Variants in RBFOX1 observed in about 807,000 individuals in gnomAD.
RBFOX1 encodes RNA binding fox-1 homolog 1.
Under a neutral mutation model 57.7 loss-of-function variants are expected in RBFOX1, and 8 were observed. The ratio of observed to expected loss-of-function variants is 0.14; its 90% CI spans 0.08 to 0.25. The LOEUF (loss-of-function observed/expected upper bound fraction) is 0.25, where lower values mean the gene tolerates loss of function less well. Among genes scored for constraint, RBFOX1 ranks in the 10% least tolerant of loss-of-function variants. The pLI is 1.00. For missense variants in RBFOX1, 611 were observed against 548.5 expected, an observed-to-expected ratio of 1.11 and a Z score of -1.14; for synonymous variants, 326 against 222.4, an observed-to-expected ratio of 1.47 and a Z score of -4.15.
chr16:7,268,879 A>T (rs113929458), intron 4 of RBFOX1, among the ~76,000 whole-genome samples: 8,280 of 151,832 alleles, frequency 0.055, 763 homozygotes, highest in African/African-American at 0.19. Context: ...TCTACTAAAA[A>T]TACAAAAATT....
At chr16:7,072,625 C>T (rs1033616562) in intron 4 of RBFOX1, among the ~76,000 whole-genome samples, 1 of 152,004 alleles carries the variant, frequency 6.6e-6, no homozygotes, top group Non-Finnish European at 1.5e-5. Flanking sequence ...AGAAAGCTGC[C>T]CTAGGAAGAG....
intron 2 of RBFOX1, among the ~76,000 whole-genome samples, chr16:6,643,060 C>T (rs879841472): frequency 1.3e-5 from 2 of 152,128 alleles, no homozygotes; most frequent in Admixed American, 6.5e-5. Context: ...CACGCTGAAC[C>T]TTCTTAAACA....
chr16:6,871,397 G>A (rs2060851120), intron 3 of RBFOX1, among the ~76,000 whole-genome samples: 1 of 152,074 alleles, frequency 6.6e-6, no homozygotes, highest in Non-Finnish European at 1.5e-5. Flanking sequence ...TGTTGGCCAG[G>A]CTGGTCTCAA....
chr16:5,568,077 C>T (rs1442949721), intron 2 of RBFOX1, among the ~76,000 whole-genome samples: 1 of 152,204 alleles, frequency 6.6e-6, no homozygotes, highest in Non-Finnish European at 1.5e-5. Flanking sequence ...CTGATCCCAT[C>T]CTTCTCTAGC....
chr16:5,270,512 G>A, intron 1 of RBFOX1: 1 of 650,452 alleles, frequency 1.5e-6, no homozygotes, highest in Non-Finnish European at 2.8e-6. Flanking sequence ...ATGTTCCATG[G>A]TTGAAAAATG....
rs1010646381 is a variant in RBFOX1 at position 7,354,054 on chromosome 16, C to A, written c.28-164093C>A. On this transcript the variant is annotated intron_variant, in intron 4 of 15. Coordinates refer to ENST00000550418, the MANE Select transcript of RBFOX1 (RefSeq NM_018723.4). ...TGGCATGATCTGGGCTCGCTGCAACCTCTACCTCCCAGGTTCAAGCGATTC... is the reference window on the plus strand; with the variant it reads ...TGGCATGATCTGGGCTCGCTGCAACATCTACCTCCCAGGTTCAAGCGATTC... Among the ~76,000 whole-genome samples, 3 of 152,158 alleles carry A rather than the reference C, an allele frequency of 2.0e-5. No individual in the cohort carries two copies. The East Asian group carries it at 5.8e-4, about 29-fold the overall frequency.
At chr16:7,489,273 C>G (rs2066273687) in intron 4 of RBFOX1, among the ~76,000 whole-genome samples, 2 of 152,056 alleles carry the variant, frequency 1.3e-5, no homozygotes, top group African/African-American at 4.8e-5. Flanking sequence ...AATGTAAAAG[C>G]AAGTTTTTGG....
chr16:5,355,929 A>T (rs2065377134), intron 1 of RBFOX1, among the ~76,000 whole-genome samples: 2 of 152,184 alleles, frequency 1.3e-5, no homozygotes, highest in Admixed American at 6.5e-5. Context: ...CGTATCTACA[A>T]AAAATACAAA....
rs869202831 is a variant in RBFOX1, at chr16:6,641,734, C to CA, written c.-63-12825dup. 5.5e-4 allele frequency among the ~76,000 whole-genome samples: 38 copies of CA among 68,942 alleles called. 2 individuals are homozygous for CA. Among genetic ancestry groups the CA allele is most frequent in the East Asian group, 2.4e-3 (6 of 2,502 alleles). 45.2% of individuals were successfully genotyped at this position (68,942 alleles called of 152,430 possible). ...TGGGTGACAGAGCAGGACTCCGTCTCAAAAAAAAAAAAAAAAAAAAAAAAA... is the reference window on the plus strand; with the variant it reads ...TGGGTGACAGAGCAGGACTCCGTCTCAAAAAAAAAAAAAAAAAAAAAAAAAA... On this transcript the variant is annotated intron_variant, in intron 2 of 15. Transcript: ENST00000550418.
Position 6,814,396 on chromosome 16 carries a change from C to G in RBFOX1, c.-16+159746C>G, listed in dbSNP as rs112159853. 1.3e-3 allele frequency among the ~76,000 whole-genome samples: 194 copies of G among 152,168 alleles called. 2 individuals are homozygous for G. Among genetic ancestry groups the G allele is most frequent in the African/African-American group, 4.4e-3 (184 of 41,530 alleles). On this transcript the variant is annotated intron_variant, in intron 3 of 15. Transcript: ENST00000550418. ...TGACATTGTTTTCCATCCATTCTTA[C>G]GGTAAATAATCTCTGTGTGTCAAGC...
chr16:6,487,168 G>C (rs1248469964), intron 2 of RBFOX1, among the ~76,000 whole-genome samples: 1 of 151,690 alleles, frequency 6.6e-6, no homozygotes, highest in East Asian at 1.9e-4. Flanking sequence ...GTGTGTGTGT[G>C]TGTGTGTGTG....
chr16:5,792,331 A>G (rs568355905), intron 3 of RBFOX1, among the ~76,000 whole-genome samples: 1 of 152,314 alleles, frequency 6.6e-6, no homozygotes, highest in Non-Finnish European at 1.5e-5. Context: ...CTACATATAC[A>G]GTTGACTCCT....
intron 3 of RBFOX1, among the ~76,000 whole-genome samples, chr16:5,728,388 C>T (rs80174474): frequency 0.036 from 5,533 of 152,224 alleles, 342 homozygotes; most frequent in African/African-American, 0.13. Flanking sequence ...CTCCTGTGTG[C>T]AAAGGAATGG....
At chr16:6,489,604 C>G (rs145249000) in intron 2 of RBFOX1, among the ~76,000 whole-genome samples, 2 of 152,194 alleles carry the variant, frequency 1.3e-5, no homozygotes. Flanking sequence ...GAAGCCTAAG[C>G]GTTGAGGCAC....
intron 4 of RBFOX1, among the ~76,000 whole-genome samples, chr16:5,956,550 A>G: frequency 6.6e-6 from 1 of 151,114 alleles, no homozygotes; most frequent in Non-Finnish European, 1.5e-5. Flanking sequence ...TGATTAAGTT[A>G]GATGTGGGGT....
chr16:6,083,959 CTTTTGA>C (rs1196266790), intron 1 of RBFOX1, among the ~76,000 whole-genome samples: 2 of 152,100 alleles, frequency 1.3e-5, no homozygotes, highest in African/African-American at 4.8e-5. Flanking sequence ...GGGAATTCTC[CTTTTGA>C]TTTTGTTATT....
chr16:7,362,256 T>C (rs902961300), intron 4 of RBFOX1, among the ~76,000 whole-genome samples: 2 of 151,388 alleles, frequency 1.3e-5, no homozygotes, highest in Non-Finnish European at 2.9e-5. Flanking sequence ...TATTTTTTGT[T>C]AGTATGTGTG....
At chr16:6,388,695 G>C (rs566760392) in intron 2 of RBFOX1, among the ~76,000 whole-genome samples, 1 of 152,126 alleles carries the variant, frequency 6.6e-6, no homozygotes, top group Non-Finnish European at 1.5e-5. Flanking sequence ...AGCTATGATT[G>C]TGTCACTGCC....
intron 4 of RBFOX1, among the ~76,000 whole-genome samples, chr16:6,011,840 ATGGACAG>A (rs2094962981): frequency 6.6e-6 from 1 of 152,108 alleles, no homozygotes; most frequent in African/African-American, 2.4e-5. Context: ...CTGGGTTATC[ATGGACAG>A]TGGTGATCTT....
Sources: gnomAD v4.1 joint callset for allele counts (sites outside exome capture counted in the v4.1 genomes callset) on GRCh38, gnomAD v4.1.1 for gene constraint, MANE v1.5 for transcripts, NCBI Gene and HGNC (gene_info 2026-07-23, HGNC 2026-07-21) for gene names.